The following HSD17B2 variants were observed in gnomAD, a reference collection of about 807,000 sequenced individuals.
The protein encoded by HSD17B2 is 17-beta-hydroxysteroid dehydrogenase type 2.
HSD17B2 carries 32 observed loss-of-function variants against 26.9 expected under a neutral mutation model. The ratio of observed to expected loss-of-function variants is 1.19; its 90% confidence interval spans 0.90 to 1.60. The LOEUF (loss-of-function observed/expected upper bound fraction) is 1.60, where lower values mean the gene tolerates loss of function less well. HSD17B2 is among the 40% of genes most tolerant of loss of function. The pLI, the probability that HSD17B2 is intolerant of heterozygous loss-of-function variation, is 0.00. For synonymous variants in HSD17B2, 246 were observed against 186.7 expected, an observed-to-expected ratio of 1.32 and a Z score of -2.59; for missense variants, 613 against 468.6, an observed-to-expected ratio of 1.31 and a Z score of -2.85.
In HSD17B2 at chr16:82,035,505, CAAG is replaced by C; in HGVS notation, c.86_88del (p.Lys29del). ...TATGTGGGACAGTATTTTGCAAATA[CAAG>C]AAGAGCTCAGGGCAGCTGTGGAGCT... On this transcript the variant is annotated inframe_deletion, in exon 1 of 5. Coordinates refer to ENST00000199936, the MANE Select transcript of HSD17B2 (RefSeq NM_002153.3). 6.2e-7 allele frequency: 1 copy of C among 1,614,138 alleles called. No homozygotes were observed.
intron 4 of HSD17B2, chr16:82,097,212 CTA>C (rs1447451441): frequency 1.3e-4 from 1 of 7,698 alleles, no homozygotes; most frequent in Admixed American, 2.0e-3. Flanking sequence ...GTGTATATGT[CTA>C]TGTCTATGTC....
intron 1 of HSD17B2, among the ~76,000 whole-genome samples, chr16:82,060,315 A>G (rs1403825448): frequency 2.0e-5 from 3 of 152,182 alleles, no homozygotes; most frequent in Non-Finnish European, 4.4e-5. Flanking sequence ...CTCCAACTCA[A>G]AAGGCTATGG....
At chr16:82,045,585 T>C (rs1261620417) in intron 1 of HSD17B2, among the ~76,000 whole-genome samples, 2 of 152,256 alleles carry the variant, frequency 1.3e-5, no homozygotes, top group Non-Finnish European at 2.9e-5. Flanking sequence ...ATATAGGCGA[T>C]GAGAGTTCTG....
At chr16:82,080,541 T>A (rs1253221920) in intron 3 of HSD17B2, among the ~76,000 whole-genome samples, 1 of 152,190 alleles carries the variant, frequency 6.6e-6, no homozygotes, top group Non-Finnish European at 1.5e-5. Flanking sequence ...AGAAGGAGCA[T>A]GACCCTGCTG....
At chr16:82,086,005 G>A (rs1051356778) in intron 3 of HSD17B2, among the ~76,000 whole-genome samples, 4 of 151,914 alleles carry the variant, frequency 2.6e-5, no homozygotes, top group African/African-American at 9.7e-5. Context: ...GGAGAAATTG[G>A]AACCCTCTTA....
chr16:82,059,484 T>C (rs1334665363), intron 1 of HSD17B2, among the ~76,000 whole-genome samples: 2 of 152,212 alleles, frequency 1.3e-5, no homozygotes, highest in African/African-American at 4.8e-5. Context: ...CCGACCCCTA[T>C]CCAGGCCAAT....
intron 3 of HSD17B2, among the ~76,000 whole-genome samples, chr16:82,077,335 C>A (rs1354307335): frequency 6.6e-6 from 1 of 151,740 alleles, no homozygotes; most frequent in African/African-American, 2.4e-5. Flanking sequence ...ACCAACAGAA[C>A]AGGATAGAGA....
At chr16:82,068,498 A>T (rs1037434621) in intron 2 of HSD17B2, 116 bp downstream of exon 2, 90 of 827,654 alleles carry the variant, frequency 1.1e-4, no homozygotes, top group Non-Finnish European at 1.5e-4. Flanking sequence ...GCCCTGAAGC[A>T]CACCTGTGCT....
intron 1 of HSD17B2, among the ~76,000 whole-genome samples, chr16:82,047,539 C>T (rs1234429164): frequency 6.6e-6 from 1 of 152,116 alleles, no homozygotes; most frequent in East Asian, 1.9e-4. Flanking sequence ...CAGTATATTG[C>T]AGGACAGTAT....
intron 1 of HSD17B2, among the ~76,000 whole-genome samples, chr16:82,039,140 A>C (rs2143910299): frequency 6.6e-6 from 1 of 152,032 alleles, no homozygotes; most frequent in African/African-American, 2.4e-5. Flanking sequence ...GGGGAATAGC[A>C]TCTTATTTGC....
chr16:82,054,401 G>C (rs144455252), intron 1 of HSD17B2, among the ~76,000 whole-genome samples: 1 of 152,070 alleles, frequency 6.6e-6, no homozygotes, highest in Non-Finnish European at 1.5e-5. Flanking sequence ...CTGGAGTGTA[G>C]TGGTGTGATC....
intron 1 of HSD17B2, among the ~76,000 whole-genome samples, chr16:82,057,477 G>T (rs1178472952): frequency 6.6e-6 from 1 of 152,168 alleles, no homozygotes; most frequent in South Asian, 2.1e-4. Context: ...GATTACAGGC[G>T]TGAGCCACCG....
intron 1 of HSD17B2, among the ~76,000 whole-genome samples, chr16:82,067,920 C>A (rs1198911078): frequency 6.6e-6 from 1 of 152,194 alleles, no homozygotes; most frequent in Non-Finnish European, 1.5e-5. Flanking sequence ...CCATGCCTTT[C>A]TCTTTCCACC....
chr16:82,095,971 T>A (rs1465830222), intron 4 of HSD17B2: 2 of 152,206 alleles, frequency 1.3e-5, no homozygotes, highest in Non-Finnish European at 2.9e-5. Context: ...TTTAAAAATA[T>A]GCACATCTCC....
At chr16:82,069,502 C>T (rs995296774) in intron 2 of HSD17B2, among the ~76,000 whole-genome samples, 2 of 152,196 alleles carry the variant, frequency 1.3e-5, no homozygotes, top group African/African-American at 4.8e-5. Context: ...ATACTCTCCT[C>T]CTTGGCTTTG....
In HSD17B2 at chr16:82,058,711, T is replaced by A. The variant is rs186622853; in HGVS notation, c.266-9459T>A. 2.8e-3 allele frequency among the ~76,000 whole-genome samples: 424 copies of A among 152,290 alleles called. 3 individuals are homozygous for A. Among genetic ancestry groups the A allele is most frequent in the Non-Finnish European group, 4.0e-3 (275 of 68,026 alleles). Reference sequence around the variant, plus strand: ...TTAGTTGAATGCTGAATTACAGTCATCTGTACAGTTCAGTTTCCTTTGTGA... The same window carrying A: ...TTAGTTGAATGCTGAATTACAGTCAACTGTACAGTTCAGTTTCCTTTGTGA... On this transcript the variant is annotated intron_variant, in intron 1 of 4. Transcript: ENST00000199936.
chr16:82,090,239 T>G, intron 3 of HSD17B2: 1 of 976,490 alleles, frequency 1.0e-6, no homozygotes, highest in Non-Finnish European at 1.2e-6. Flanking sequence ...AGAAGGTATG[T>G]TGGTCAGGCT....
chr16:82,069,620 G>C (rs1182053709), intron 2 of HSD17B2, among the ~76,000 whole-genome samples: 1 of 152,150 alleles, frequency 6.6e-6, no homozygotes, highest in Admixed American at 6.5e-5. Context: ...TCTGAGGGTT[G>C]CATCTGCAGA....
intron 2 of HSD17B2, among the ~76,000 whole-genome samples, chr16:82,070,587 A>G (rs932266592): frequency 2.0e-5 from 3 of 152,200 alleles, no homozygotes; most frequent in African/African-American, 7.2e-5. Context: ...TTGGTTCCCT[A>G]TCAGTGGTTC....
Sources: allele counts gnomAD v4.1 joint callset (sites outside exome capture counted in the v4.1 genomes callset), GRCh38; gene constraint gnomAD v4.1.1; transcripts MANE v1.5; gene names NCBI Gene and HGNC (gene_info 2026-07-23, HGNC 2026-07-21).